Variants in LINGO2 observed in about 807,000 individuals in gnomAD.
LINGO2 encodes leucine-rich repeat and immunoglobulin-like domain-containing nogo receptor-interacting protein 2.
In LINGO2, 14 loss-of-function variants were observed where a neutral mutation model predicts 30.6. The ratio of observed to expected loss-of-function variants is 0.46; its 90% confidence interval spans 0.30 to 0.72. LINGO2 has a LOEUF of 0.72. Ranked by LOEUF, LINGO2 falls within the 30% of genes least tolerant of loss-of-function variation. The pLI, the probability that LINGO2 is intolerant of heterozygous loss-of-function variation, is 0.07. For synonymous variants in LINGO2, 317 were observed against 288.5 expected (o/e 1.10, Z -1.00); for missense variants, 729 against 751.7 (o/e 0.97, Z 0.35).
At chr9:28,791,120 T>C in the LINGO2 span, among the ~76,000 whole-genome samples, 1 of 152,234 alleles carries the variant, frequency 6.6e-6, no homozygotes, top group Non-Finnish European at 1.5e-5. Flanking sequence ...ATCCCCTTCC[T>C]TTCTCACCAC....
the LINGO2 span, among the ~76,000 whole-genome samples, chr9:28,764,030 A>C: frequency 6.4e-3 from 971 of 151,902 alleles, 19 homozygotes; most frequent in African/African-American, 0.022. Context: ...AGTAATGAAA[A>C]ACCTCCCAAC....
At chr9:28,141,075 G>A (rs982183691) in intron 4 of LINGO2, among the ~76,000 whole-genome samples, 1 of 152,084 alleles carries the variant, frequency 6.6e-6, no homozygotes, top group African/African-American at 2.4e-5. Context: ...GTATCCTGAT[G>A]CAGAAAATTG....
chr9:28,076,853 C>T lies in LINGO2; in HGVS notation c.-86-64448G>A, dbSNP rs189906243. Among the ~76,000 whole-genome samples, 370 of 152,120 alleles carry T rather than the reference C, an allele frequency of 2.4e-3. 2 individuals carry two copies. The highest frequency in any genetic ancestry group is 8.5e-3 in the African/African-American group (354 of 41,486). Reference sequence around the variant, plus strand: ...TCATTTCTGATGCTTTGTAGGGGAGCCATCTTTTCCCCTCTGGCTGCTTTT... The same window carrying T: ...TCATTTCTGATGCTTTGTAGGGGAGTCATCTTTTCCCCTCTGGCTGCTTTT... On this transcript the variant is annotated intron_variant, in intron 4 of 5. Coordinates refer to ENST00000379992, the Ensembl canonical transcript of LINGO2.
the LINGO2 span, among the ~76,000 whole-genome samples, chr9:28,973,980 C>A: frequency 1.3e-5 from 2 of 152,174 alleles, no homozygotes; most frequent in Non-Finnish European, 2.9e-5. Flanking sequence ...ATAGTAAGTA[C>A]ACAAGACACA....
chr9:28,982,504 G>C, the LINGO2 span, among the ~76,000 whole-genome samples: 1 of 151,724 alleles, frequency 6.6e-6, no homozygotes, highest in Non-Finnish European at 1.5e-5. Context: ...CAAAAACCAG[G>C]TAAGAGCTCA....
the LINGO2 span, among the ~76,000 whole-genome samples, chr9:29,000,658 A>T: frequency 6.6e-6 from 1 of 151,952 alleles, no homozygotes; most frequent in Non-Finnish European, 1.5e-5. Context: ...AAATACAAAC[A>T]TAGAGCTTTT....
At chr9:29,167,478 G>C in the LINGO2 span, among the ~76,000 whole-genome samples, 1 of 152,104 alleles carries the variant, frequency 6.6e-6, no homozygotes, top group African/African-American at 2.4e-5. Flanking sequence ...AGTGTGACAA[G>C]ATTGCTTTGG....
chr9:28,106,745 C>T (rs553415103), intron 4 of LINGO2, among the ~76,000 whole-genome samples: 7 of 152,216 alleles, frequency 4.6e-5, no homozygotes, highest in Admixed American at 2.0e-4. Context: ...TTCTCAAATT[C>T]TTTAAACTTT....
the LINGO2 span, among the ~76,000 whole-genome samples, chr9:29,008,010 T>G: frequency 6.6e-6 from 1 of 152,134 alleles, no homozygotes; most frequent in African/African-American, 2.4e-5. Flanking sequence ...ATGTGCCATG[T>G]TGGTGTGCTG....
intron 4 of LINGO2, among the ~76,000 whole-genome samples, chr9:28,086,677 C>G (rs1447374112): frequency 1.3e-5 from 2 of 151,968 alleles, no homozygotes; most frequent in East Asian, 3.9e-4. Context: ...AAAACATGTC[C>G]CAAATGGTAT....
intron 2 of LINGO2, among the ~76,000 whole-genome samples, chr9:28,435,107 A>T (rs1425641861): frequency 6.6e-6 from 1 of 152,164 alleles, no homozygotes; most frequent in Non-Finnish European, 1.5e-5. Flanking sequence ...AATAAAGAAC[A>T]TAAACTGAGC....
rs980461772 is a variant in LINGO2, at chr9:28,148,814, G to A, written c.-86-136409C>T. On this transcript the variant is annotated intron_variant, in intron 4 of 5. Coordinates refer to ENST00000379992, the Ensembl canonical transcript of LINGO2. The surrounding 1 kb of genome is among the most constrained non-coding windows in gnomAD (Gnocchi z 5.1). The stretch of plus-strand genomic sequence containing the variant: ...CTGCTCCCTGTGGCCAGAGAAGGCG[G>A]CCTTGAAGGTGCTGGGTAAAGACCA... 3.3e-6 allele frequency: 5 copies of A among 1,533,894 alleles called. No individual in the cohort carries two copies. Among genetic ancestry groups the A allele is most frequent in the Middle Eastern group, 2.3e-4 (1 of 4,358 alleles).
intron 1 of LINGO2, among the ~76,000 whole-genome samples, chr9:28,482,709 A>G (rs1244774390): frequency 6.6e-6 from 1 of 152,100 alleles, no homozygotes; most frequent in Non-Finnish European, 1.5e-5. Flanking sequence ...CAACTATCTG[A>G]TCTTTGGCAA....
intron 4 of LINGO2, among the ~76,000 whole-genome samples, chr9:28,268,969 T>C (rs960567270): frequency 6.6e-6 from 1 of 152,110 alleles, no homozygotes; most frequent in Non-Finnish European, 1.5e-5. Context: ...GCAGTGGTCA[T>C]ACTGAAGAAT....
At chr9:28,658,542 T>C (rs1241902321) in intron 1 of LINGO2, among the ~76,000 whole-genome samples, 1 of 152,110 alleles carries the variant, frequency 6.6e-6, no homozygotes, top group African/African-American at 2.4e-5. Flanking sequence ...TTTTGTCTGA[T>C]ATTAATATAG....
intron 1 of LINGO2, among the ~76,000 whole-genome samples, chr9:28,619,412 TCAGATAAC>T: frequency 6.6e-6 from 1 of 152,176 alleles, no homozygotes; most frequent in East Asian, 1.9e-4. Context: ...CTGATGAGCT[TCAGATAAC>T]CACCTATATA....
At chr9:29,011,624 T>C in the LINGO2 span, among the ~76,000 whole-genome samples, 2 of 152,268 alleles carry the variant, frequency 1.3e-5, no homozygotes, top group South Asian at 2.1e-4. Flanking sequence ...AACATTAACA[T>C]ATAAAAAGTT....
the LINGO2 span, among the ~76,000 whole-genome samples, chr9:29,211,579 T>TTCTCTC: frequency 2.6e-5 from 4 of 150,986 alleles, no homozygotes; most frequent in African/African-American, 9.7e-5. Flanking sequence ...TTCTCTTCTC[T>TTCTCTC]TCTCTCTCTC....
At chr9:28,690,030 A>G in the LINGO2 span, among the ~76,000 whole-genome samples, 7 of 152,160 alleles carry the variant, frequency 4.6e-5, no homozygotes, top group Non-Finnish European at 1.0e-4. Flanking sequence ...ATGAGAACAC[A>G]TGGACACATG....
Sources: allele counts gnomAD v4.1 joint callset (sites outside exome capture counted in the v4.1 genomes callset), GRCh38; gene constraint gnomAD v4.1.1; non-coding constraint Gnocchi (gnomAD v3.1); transcripts MANE v1.5; gene names NCBI Gene and HGNC (gene_info 2026-07-23, HGNC 2026-07-21).